ZNF385B: variants seen among roughly 807,000 people sequenced by gnomAD.
ZNF385B encodes the protein zinc finger protein 533.
Under a neutral mutation model 39.2 loss-of-function variants are expected in ZNF385B, and 23 were observed. The observed-to-expected ratio is 0.59, with a 90% CI of 0.42 to 0.83. The LOEUF is 0.83. Ranked by LOEUF, ZNF385B falls within the 40% of genes least tolerant of loss-of-function variation. The pLI, the probability that ZNF385B is intolerant of heterozygous loss-of-function variation, is 0.00. For synonymous variants in ZNF385B, 205 were observed against 222.6 expected (o/e 0.92, Z 0.70); for missense variants, 552 against 598.9 (o/e 0.92, Z 0.82).
chr2:179,761,970 C>G (rs1007703733), intron 3 of ZNF385B, among the ~76,000 whole-genome samples: 5 of 151,858 alleles, frequency 3.3e-5, no homozygotes, highest in African/African-American at 1.2e-4. Context: ...GACATCCTTC[C>G]CCTGCTCTTG....
intron 3 of ZNF385B, among the ~76,000 whole-genome samples, chr2:179,746,854 C>A (rs17824871): frequency 0.093 from 14,070 of 152,072 alleles, 729 homozygotes; most frequent in Non-Finnish European, 0.11. Flanking sequence ...AGTAGCAGTG[C>A]TTTGAGATCA....
intron 3 of ZNF385B, among the ~76,000 whole-genome samples, chr2:179,712,828 T>A (rs151151440): frequency 9.6e-4 from 147 of 152,352 alleles, no homozygotes; most frequent in African/African-American, 3.1e-3. Context: ...AGTCCTCAAC[T>A]TATAATGGTT....
intron 3 of ZNF385B, among the ~76,000 whole-genome samples, chr2:179,671,982 C>T (rs1696070114): frequency 6.6e-6 from 1 of 152,228 alleles, no homozygotes; most frequent in African/African-American, 2.4e-5. Flanking sequence ...GGGTAAGATT[C>T]CAGCTCAAGA....
At chr2:179,729,786 C>T (rs1159369836) in intron 3 of ZNF385B, among the ~76,000 whole-genome samples, 1 of 152,130 alleles carries the variant, frequency 6.6e-6, no homozygotes, top group Non-Finnish European at 1.5e-5. Flanking sequence ...TTCCCCCAAG[C>T]TGTTTTCATG....
chr2:179,860,395 C>A (rs1313245877), intron 1 of ZNF385B, among the ~76,000 whole-genome samples: 2 of 152,138 alleles, frequency 1.3e-5, no homozygotes, highest in African/African-American at 4.8e-5. Context: ...CCAGCTCTCC[C>A]TTCTCCCCAC....
intron 3 of ZNF385B, among the ~76,000 whole-genome samples, chr2:179,671,862 A>G (rs1385271774): frequency 6.6e-6 from 1 of 152,230 alleles, no homozygotes; most frequent in Non-Finnish European, 1.5e-5. Context: ...GAACCAGGCA[A>G]AGAACTGTCA....
chr2:179,647,697 A>T (rs928650088), intron 3 of ZNF385B, among the ~76,000 whole-genome samples: 3 of 152,204 alleles, frequency 2.0e-5, no homozygotes, highest in African/African-American at 7.2e-5. Context: ...AGGACTACCT[A>T]CATTAAAAAG....
At chr2:179,505,824 CAAT>C (rs1422069717) in intron 5 of ZNF385B, among the ~76,000 whole-genome samples, 1 of 151,938 alleles carries the variant, frequency 6.6e-6, no homozygotes, top group Non-Finnish European at 1.5e-5. Context: ...TGTTTAAAAA[CAAT>C]AAAAAAACGG....
Position 179,568,212 on chromosome 2 carries a change from A to T in ZNF385B, c.299-23243T>A, listed in dbSNP as rs115699302. 4.8e-3 allele frequency among the ~76,000 whole-genome samples: 735 copies of T among 152,226 alleles called. 6 individuals are homozygous for T. Among genetic ancestry groups the T allele is most frequent in the South Asian group, 0.02 (96 of 4,820 alleles). On this transcript the variant is annotated intron_variant, in intron 3 of 9. Transcript: ENST00000410066. Reference sequence around the variant, plus strand: ...TGCCTCTGCTGTTCCCTCAGCATGAAACTCCCTGCTCCCATTTCAGTTGTG... The same window carrying T: ...TGCCTCTGCTGTTCCCTCAGCATGATACTCCCTGCTCCCATTTCAGTTGTG...
intron 3 of ZNF385B, among the ~76,000 whole-genome samples, chr2:179,635,983 T>C (rs1325544881): frequency 1.3e-5 from 2 of 152,188 alleles, no homozygotes; most frequent in Non-Finnish European, 2.9e-5. Context: ...TTATAAAATA[T>C]GTAAATTCTA....
At chr2:179,673,830 C>G (rs1455499206) in intron 3 of ZNF385B, among the ~76,000 whole-genome samples, 2 of 152,160 alleles carry the variant, frequency 1.3e-5, no homozygotes, top group African/African-American at 4.8e-5. Context: ...TTAAAATACT[C>G]TCACAATGGA....
chr2:179,576,247 G>A, intron 3 of ZNF385B: 1 of 894,024 alleles, frequency 1.1e-6, no homozygotes, highest in Non-Finnish European at 1.3e-6. Context: ...CATCTCCCAT[G>A]CCGCTGCCAG....
chr2:179,756,912 T>A lies in ZNF385B; in HGVS notation c.298+12591A>T, dbSNP rs536413592. ...GCTTCTTTACAATGGGTTTGAACTT[T>A]CTCCTTTAGCTCCGAGAAGTTTGAC... On this transcript the variant is annotated intron_variant, in intron 3 of 9. Coordinates refer to ENST00000410066, the MANE Select transcript of ZNF385B (RefSeq NM_152520.6). Among the ~76,000 whole-genome samples, 3 of 152,288 alleles carry A rather than the reference T, an allele frequency of 2.0e-5. No individual in the cohort carries two copies. In the South Asian group the frequency reaches 6.2e-4, roughly 32 times the overall value.
chr2:179,472,499 T>C (rs1430139089), intron 6 of ZNF385B, among the ~76,000 whole-genome samples: 1 of 152,210 alleles, frequency 6.6e-6, no homozygotes, highest in Non-Finnish European at 1.5e-5. Context: ...TTCATATATT[T>C]CAAAGCAACG....
chr2:179,857,158 G>C (rs1684670012), intron 1 of ZNF385B, among the ~76,000 whole-genome samples: 1 of 152,184 alleles, frequency 6.6e-6, no homozygotes, highest in South Asian at 2.1e-4. Context: ...TAAAAACCAT[G>C]TTGAGGTGTT....
chr2:179,834,508 G>A (rs1708144905), intron 1 of ZNF385B, among the ~76,000 whole-genome samples: 2 of 152,136 alleles, frequency 1.3e-5, no homozygotes, highest in African/African-American at 4.8e-5. Flanking sequence ...AAAAATTACT[G>A]AGTCCATACT....
At chr2:179,759,937 T>C (rs759669409) in intron 3 of ZNF385B, among the ~76,000 whole-genome samples, 7 of 152,174 alleles carry the variant, frequency 4.6e-5, no homozygotes, top group African/African-American at 1.2e-4. Flanking sequence ...GTGGTCATCA[T>C]TATTATAAAT....
At chr2:179,675,762 T>C (rs1185245223) in intron 3 of ZNF385B, among the ~76,000 whole-genome samples, 2 of 150,870 alleles carry the variant, frequency 1.3e-5, no homozygotes, top group Non-Finnish European at 1.5e-5. Flanking sequence ...TGTATCTGTG[T>C]ACTAAGTCAT....
intron 3 of ZNF385B, among the ~76,000 whole-genome samples, chr2:179,645,893 T>G (rs149700528): frequency 6.6e-6 from 1 of 152,322 alleles, no homozygotes; most frequent in East Asian, 1.9e-4. Context: ...ATATGCACTC[T>G]TCTCTCTGTA....
Sources: allele counts gnomAD v4.1 joint callset (sites outside exome capture counted in the v4.1 genomes callset), GRCh38; gene constraint gnomAD v4.1.1; transcripts MANE v1.5; gene names NCBI Gene and HGNC (gene_info 2026-07-23, HGNC 2026-07-21).